Variants in DNHD1 observed in about 807,000 individuals in gnomAD.
The protein encoded by DNHD1 is dynein heavy chain domain 1, also known as dynein heavy chain domain-containing protein 1.
Under a neutral mutation model 458.1 loss-of-function variants are expected in DNHD1, and 383 were observed. That is an observed-to-expected ratio of 0.84 (90% CI 0.77 to 0.91). The LOEUF (loss-of-function observed/expected upper bound fraction) is 0.91. DNHD1 is among the 40% of genes least tolerant of loss of function. DNHD1 has a pLI of 0.00. For missense variants in DNHD1, 5,336 were observed against 5,866.1 expected, an observed-to-expected ratio of 0.91 and a Z score of 2.95; for synonymous variants, 2,203 against 2,376.9, an observed-to-expected ratio of 0.93 and a Z score of 2.13.
In DNHD1 at chr11:6,498,503, G is replaced by C. The variant is rs375381769; in HGVS notation, c.288G>C (p.Glu96Asp). 2.5e-6 allele frequency: 4 copies of C among 1,614,106 alleles called. No individual in the cohort carries two copies. The highest frequency in any genetic ancestry group is 1.3e-5 in the African/African-American group (1 of 74,936). Reference protein sequence around the residue: ...AVLGLLPPYRELLVGHLDLLP... With the variant: ...AVLGLLPPYRDLLVGHLDLLP... ...TGGGTCTACTGCCTCCATATCGTGAGTTGCTAGTTGGCCACCTTGATTTGC... is the reference window on the plus strand; with the variant it reads ...TGGGTCTACTGCCTCCATATCGTGACTTGCTAGTTGGCCACCTTGATTTGC... The change falls in exon 3 of 43, where the codon GAG becomes GAC. Residue 96 changes from glutamate to aspartate, a missense_variant. By Grantham distance (45) the Glu-to-Asp change is conservative (BLOSUM62 2). Around this residue, in one of 4 missense-constraint regions of DNHD1, gnomAD observed 3,932 missense variants for 4,365.6 expected, o/e 0.90. Coordinates refer to ENST00000254579, the MANE Select transcript of DNHD1 (RefSeq NM_144666.3).
At chr11:6,528,438 C>CGTGTGTGTGTGTGTGTGTGT (rs1565003444) in intron 10 of DNHD1, 84 bp from the exon 11 acceptor site, 1 of 987,282 alleles carries the variant, frequency 1.0e-6, no homozygotes, top group African/African-American at 1.9e-5. Flanking sequence ...TGTGTGTGTA[C>CGTGTGTGTGTGTGTGTGTGT]ACACACTGAG....
At position 6,564,033 on chromosome 11, in the gene DNHD1, C is replaced by T. The variant is rs1047162885; in HGVS notation, c.10193C>T (p.Thr3398Ile). ...AQASHNCVAK[T>I]LSQAQCGQYH... is the part of the protein sequence containing the mutation. The stretch of plus-strand genomic sequence containing the variant: ...GCTTCCCACAACTGCGTGGCAAAGA[C>T]CCTCAGTCAAGCACAGTGTGGGCAG... Residue 3398 changes from threonine to isoleucine, a missense_variant, in exon 31 of 43, where the codon ACC becomes ATC. Coordinates refer to ENST00000254579, the MANE Select transcript of DNHD1 (RefSeq NM_144666.3). The T allele has an allele frequency of 7.7e-6, 12 of 1,551,588 alleles. No individual in the cohort carries two copies. In the Admixed American group the frequency reaches 7.8e-5, roughly 10 times the overall value.
In DNHD1 at chr11:6,563,057, C is replaced by A; in HGVS notation, c.9595C>A (p.Gln3199Lys). ...YKQQLEECRH[Q>K]ENLIENLARQ... ...GCAGCAGCTGGAAGAGTGTCGGCAT[C>A]AAGAGAACCTCATTGAGAACCTGGC... The change falls in exon 29 of 43, where the codon CAA becomes AAA. Residue 3199 changes from glutamine (Q) to lysine (K), a missense_variant. Gln to Lys is a moderately conservative substitution (Grantham distance 53). This residue lies in a region of DNHD1 where 3,932 missense variants were observed against 4,365.6 expected (regional missense o/e 0.90). Coordinates refer to ENST00000254579, the MANE Select transcript of DNHD1 (RefSeq NM_144666.3). 6.4e-7 allele frequency: 1 copy of A among 1,551,660 alleles called. No individual in the cohort carries two copies. The highest frequency in any genetic ancestry group is 8.7e-7 in the Non-Finnish European group (1 of 1,146,986).
intron 2 of DNHD1, 35 bp downstream of exon 2, chr11:6,497,702 A>G (rs17243759): frequency 0.27 from 43,020 of 157,882 alleles, 6,481 homozygotes; most frequent in Non-Finnish European, 0.34. Flanking sequence ...CTCTCCGTGT[A>G]TGGGTGGCTA....
In DNHD1 at chr11:6,498,302, G is replaced by A; in HGVS notation, c.87G>A (p.Leu29=). 1 of 1,614,190 alleles carries A rather than the reference G, an allele frequency of 6.2e-7. No individual in the cohort carries two copies. Among genetic ancestry groups the A allele is most frequent in the East Asian group, 2.2e-5 (1 of 44,886 alleles). Residue 29 remains leucine (L), a synonymous_variant, in exon 3 of 43, where the codon TTG becomes TTA. Transcript: ENST00000254579. ...SLKSWHSICV[L]DSKEQPLACQ... is the part of the protein sequence containing the mutation. ...AGTCTTGGCACTCCATATGTGTCTT[G>A]GACAGCAAAGAACAGCCCTTGGCCT... is the stretch of plus-strand genomic sequence containing the variant.
intron 18 of DNHD1, among the ~76,000 whole-genome samples, chr11:6,543,514 G>A (rs952934498): frequency 1.1e-4 from 13 of 122,388 alleles, no homozygotes; most frequent in Non-Finnish European, 1.9e-4. Flanking sequence ...CACTTCCATG[G>A]AGTTACGTGG....
chr11:6,525,994 T>C (rs904996925), intron 10 of DNHD1, among the ~76,000 whole-genome samples: 3 of 151,924 alleles, frequency 2.0e-5, no homozygotes, highest in Non-Finnish European at 4.4e-5. Flanking sequence ...TTCAGAACAA[T>C]TTTTCTGAAT....
chr11:6,571,080 C>A lies in DNHD1; in HGVS notation c.13568C>A (p.Ala4523Glu). The A allele has an allele frequency of 6.3e-7, 1 of 1,586,520 alleles. No homozygotes were observed. ...CCGTGCCCCTCCCGCCGCTGTGCTG[C>A]GGTGGCCCACGCTCTCTGGACTGGC... ...APPCPSRRCA[A>E]VAHALWTGRL... The change falls in exon 42 of 43, where the codon GCG becomes GAG. Residue 4523 changes from alanine (A) to glutamate (E), a missense_variant. Coordinates refer to ENST00000254579, the MANE Select transcript of DNHD1 (RefSeq NM_144666.3). The surrounding 1 kb of genome is among the most constrained non-coding windows in gnomAD (Gnocchi z 5.0).
At chr11:6,537,880 G>A (rs527564627) in intron 14 of DNHD1, among the ~76,000 whole-genome samples, 2 of 152,116 alleles carry the variant, frequency 1.3e-5, no homozygotes, top group African/African-American at 4.8e-5. Flanking sequence ...GCAGTGAGCC[G>A]AGATCACGCC....
rs59300977 is a variant in DNHD1, at chr11:6,517,652, CTTTTT to C, written c.1393-1918_1393-1914del. Among the ~76,000 whole-genome samples the C allele has an allele frequency of 5.5e-3, 322 of 58,986 alleles. 2 individuals are homozygous for C. The highest frequency in any genetic ancestry group is 0.017 in the African/African-American group (300 of 17,974). The allele number at this position is 58,986 out of a possible 152,430, so 38.7% of individuals were successfully genotyped here. ...ACAAATACTGTATGATCTAGGACTTCTTTTTTTTTTTTTTTTTTTTTTTTTTTTTT... is the reference window on the plus strand; with the variant it reads ...ACAAATACTGTATGATCTAGGACTTCTTTTTTTTTTTTTTTTTTTTTTTTT... On this transcript the variant is annotated intron_variant, in intron 7 of 42. Coordinates refer to ENST00000254579, the MANE Select transcript of DNHD1 (RefSeq NM_144666.3).
rs1481123540 is a variant in DNHD1 at position 6,567,454 on chromosome 11, T to TTGGGCCAAAAGCCTGGCA, written c.11948_11965dup (p.Gly3983_His3988dup). ...TCAGATGTGGCTCGACCGGCCTGGCTTGGGCCAAAAGCCTGGCATGAATGT... is the reference window on the plus strand; with the variant it reads ...TCAGATGTGGCTCGACCGGCCTGGCTTGGGCCAAAAGCCTGGCATGGGCCAAAAGCCTGGCATGAATGT... On this transcript the variant is annotated inframe_insertion, in exon 36 of 43. Transcript: ENST00000254579. 4 of 1,612,438 alleles carry TTGGGCCAAAAGCCTGGCA rather than the reference T, an allele frequency of 2.5e-6. No individual in the cohort carries two copies. In the Admixed American group the frequency reaches 6.7e-5, roughly 27 times the overall value.
At position 6,571,538 on chromosome 11, in the gene DNHD1, A is replaced by T; in HGVS notation, c.13912-98A>T. The T allele has an allele frequency of 1.4e-6, 2 of 1,455,832 alleles. No individual in the cohort carries two copies. Among genetic ancestry groups the T allele is most frequent in the Non-Finnish European group, 1.8e-6 (2 of 1,092,674 alleles). 90.2% of individuals were successfully genotyped at this position (1,455,832 alleles called of 1,614,324 possible). ...CCCGGTAACCCTGCTAGCTTCTCCGATCTCGCTTCACCACGACCTCCTACC... is the reference window on the plus strand; with the variant it reads ...CCCGGTAACCCTGCTAGCTTCTCCGTTCTCGCTTCACCACGACCTCCTACC... On this transcript the variant is annotated intron_variant, in intron 42 of 42. Transcript: ENST00000254579. The surrounding 1 kb of genome is among the most constrained non-coding windows in gnomAD (Gnocchi z 5.0).
At chr11:6,558,839 T>A (rs1466023007) in intron 26 of DNHD1, 63 bp from the exon 27 acceptor site, 30 of 1,517,560 alleles carry the variant, frequency 2.0e-5, no homozygotes, top group Admixed American at 3.9e-5. Context: ...TAGGAGAGGA[T>A]CCCTTTCCTT....
chr11:6,533,818 A>G lies in DNHD1; in HGVS notation c.2643A>G (p.Gln881=), dbSNP rs967298721. The G allele has an allele frequency of 1.8e-5, 28 of 1,551,382 alleles. No individual in the cohort carries two copies. The highest frequency in any genetic ancestry group is 5.5e-5 in the African/African-American group (4 of 72,976). The change falls in exon 14 of 43, where the codon CAA becomes CAG. Residue 881 remains glutamine, a synonymous_variant. Coordinates refer to ENST00000254579, the MANE Select transcript of DNHD1 (RefSeq NM_144666.3). ...CACTGGACATCTCGGTGAGAAGGCA[A>G]TTCGGGGAGTCACCCATCCCTCCCT... ...NEALDISVRR[Q]FGESPIPPCP... is the part of the protein sequence containing the mutation.
intron 7 of DNHD1, 81 bp from the exon 8 acceptor site, chr11:6,519,519 C>A: frequency 6.6e-7 from 1 of 1,523,138 alleles, no homozygotes; most frequent in Non-Finnish European, 9.0e-7. Context: ...GACTCCAAGA[C>A]CTGAGAGTTT....
Position 6,568,004 on chromosome 11 carries a change from G to A in DNHD1, c.12352-52G>A, listed in dbSNP as rs530282866. 7.7e-5 allele frequency: 115 copies of A among 1,499,740 alleles called. 1 individual carries two copies. The Middle Eastern group carries it at 6.2e-3, about 81-fold the overall frequency. 92.9% of individuals were successfully genotyped at this position (1,499,740 alleles called of 1,614,324 possible). A position where few individuals can be genotyped will look rare whatever the true frequency, so the allele number is the denominator to read the frequency against. ...GGTAGCATTAGTTTGGGTCCCTCGGGTCACCCTAGGATCACTTTGAGTCAT... is the reference window on the plus strand; with the variant it reads ...GGTAGCATTAGTTTGGGTCCCTCGGATCACCCTAGGATCACTTTGAGTCAT... On this transcript the variant is annotated intron_variant, in intron 36 of 42. Coordinates refer to ENST00000254579, the MANE Select transcript of DNHD1 (RefSeq NM_144666.3).
chr11:6,528,504 T>C lies in DNHD1; in HGVS notation c.1838-18T>C. On this transcript the variant is annotated intron_variant, in intron 10 of 42. Coordinates refer to ENST00000254579, the MANE Select transcript of DNHD1 (RefSeq NM_144666.3). ...TCTGGAGGGTACTCACGGACAATTA[T>C]GGCCTGTGCTCCACTAGAAGAAGAT... 5 of 1,544,332 alleles carry C rather than the reference T, an allele frequency of 3.2e-6. No individual in the cohort carries two copies. The highest frequency in any genetic ancestry group is 4.4e-6 in the Non-Finnish European group (5 of 1,141,706).
intron 18 of DNHD1, among the ~76,000 whole-genome samples, chr11:6,540,642 A>G (rs1291754728): frequency 6.6e-6 from 1 of 152,208 alleles, no homozygotes; most frequent in Non-Finnish European, 1.5e-5. Context: ...AAAGAACCAG[A>G]GAGAGAATTA....
chr11:6,571,678 C>T lies in DNHD1; in HGVS notation c.13954C>T (p.Leu4652=), dbSNP rs1853855337. 1 of 1,608,786 alleles carries T rather than the reference C, an allele frequency of 6.2e-7. No homozygotes were observed. Among genetic ancestry groups the T allele is most frequent in the East Asian group, 2.2e-5 (1 of 44,690 alleles). The change falls in exon 43 of 43, where the codon CTG becomes TTG. Residue 4652 remains leucine (L), a synonymous_variant. Transcript: ENST00000254579. This position sits in a 1 kb window ranked among gnomAD's most constrained non-coding sequence, Gnocchi z 5.0. ...PNPTVPERGL[L]LIGLQVLHAE... ...TCCCACGGTTCCAGAGAGAGGGCTG[C>T]TGCTGATCGGGCTACAGGTCCTACA... is the stretch of plus-strand genomic sequence containing the variant.
Sources: gnomAD v4.1 joint callset for allele counts (sites outside exome capture counted in the v4.1 genomes callset) on GRCh38, gnomAD v4.1.1 for gene constraint, gnomAD v4.1.1 regional missense constraint, Gnocchi (gnomAD v3.1) non-coding constraint, MANE v1.5 for transcripts, NCBI Gene and HGNC (gene_info 2026-07-23, HGNC 2026-07-21) for gene names.